LDB3: variants seen among roughly 807,000 people sequenced by gnomAD.
LDB3 encodes the protein LIM domain-binding protein 3.
LDB3 carries 49 observed loss-of-function variants against 69.0 expected under a neutral mutation model. That is an observed-to-expected ratio of 0.71 (90% CI 0.56 to 0.90). LDB3 has a LOEUF of 0.90. Among genes scored for constraint, LDB3 ranks in the 40% least tolerant of loss-of-function variants. The pLI is 0.00. For missense variants in LDB3, 928 were observed against 974.1 expected, an observed-to-expected ratio of 0.95 and a Z score of 0.63; for synonymous variants, 387 against 396.2, an observed-to-expected ratio of 0.98 and a Z score of 0.28.
intron 7 of LDB3, among the ~76,000 whole-genome samples, chr10:86,701,200 A>C (rs911982069): frequency 6.6e-6 from 1 of 152,210 alleles, no homozygotes; most frequent in Non-Finnish European, 1.5e-5. Context: ...GCCTCCTGGA[A>C]CACACTCATA....
Position 86,681,420 on chromosome 10 carries a change from G to T in LDB3, c.322-16G>T. On this transcript the variant is annotated splice_polypyrimidine_tract_variant and intron_variant, in intron 4 of 13. Coordinates refer to ENST00000361373, the MANE Select transcript of LDB3 (RefSeq NM_007078.3). ...CGCTCTCTTCTCTCTCCCCTGCATGGCCTGCCCTGTGCCAGGACCCCGCTC... is the reference window on the plus strand; with the variant it reads ...CGCTCTCTTCTCTCTCCCCTGCATGTCCTGCCCTGTGCCAGGACCCCGCTC... 1.3e-6 allele frequency: 2 copies of T among 1,599,918 alleles called. No homozygotes were observed. Among genetic ancestry groups the T allele is most frequent in the Non-Finnish European group, 1.7e-6 (2 of 1,179,790 alleles).
chr10:86,682,619 C>A (rs1482562966), intron 5 of LDB3, among the ~76,000 whole-genome samples: 1 of 152,212 alleles, frequency 6.6e-6, no homozygotes, highest in Non-Finnish European at 1.5e-5. Flanking sequence ...ATTGGCATAG[C>A]CCTCTCCAGG....
chr10:86,727,210 G>A (rs1401405962), intron 13 of LDB3, among the ~76,000 whole-genome samples: 1 of 151,606 alleles, frequency 6.6e-6, no homozygotes, highest in Non-Finnish European at 1.5e-5. Context: ...TTAGTAGAGA[G>A]GGGATTTCAC....
chr10:86,707,136 G>A (rs1846476051), intron 8 of LDB3, among the ~76,000 whole-genome samples: 1 of 152,102 alleles, frequency 6.6e-6, no homozygotes, highest in South Asian at 2.1e-4. Context: ...TGTCCCTGTG[G>A]GCTGGAGAAA....
At chr10:86,696,223 G>A (rs1845990843) in intron 7 of LDB3, among the ~76,000 whole-genome samples, 1 of 151,642 alleles carries the variant, frequency 6.6e-6, no homozygotes, top group Admixed American at 6.6e-5. Flanking sequence ...CCCCCCTGCA[G>A]CCACCTCGCT....
intron 5 of LDB3, chr10:86,687,032 C>T (rs998183788): frequency 1.2e-6 from 2 of 1,603,518 alleles, no homozygotes; most frequent in African/African-American, 1.3e-5. Flanking sequence ...CTTTTCTCCT[C>T]CCTCTCCCTG....
intron 2 of LDB3, among the ~76,000 whole-genome samples, chr10:86,670,944 C>T (rs139398502): frequency 7.2e-5 from 11 of 152,310 alleles, no homozygotes; most frequent in African/African-American, 2.4e-4. Flanking sequence ...TGGACACAGC[C>T]CTGCCATCCC....
At chr10:86,692,626 G>T in intron 7 of LDB3, 55 bp downstream of exon 7, 1 of 1,534,362 alleles carries the variant, frequency 6.5e-7, no homozygotes, top group Non-Finnish European at 9.0e-7. Flanking sequence ...GTCCCTCCCC[G>T]GGCAGCCCCC....
intron 13 of LDB3, among the ~76,000 whole-genome samples, chr10:86,730,733 C>T (rs1304694315): frequency 6.6e-6 from 1 of 152,184 alleles, no homozygotes; most frequent in East Asian, 1.9e-4. Context: ...ATTAAATGAG[C>T]TGCTGTATAT....
At chr10:86,696,211 G>C (rs560986044) in intron 7 of LDB3, among the ~76,000 whole-genome samples, 2 of 150,838 alleles carry the variant, frequency 1.3e-5, no homozygotes, top group South Asian at 2.1e-4. Context: ...TCTCAGTTTT[G>C]CCCCCCCTGC....
intron 4 of LDB3, among the ~76,000 whole-genome samples, chr10:86,680,891 G>A (rs1194082773): frequency 2.0e-5 from 3 of 152,226 alleles, no homozygotes; most frequent in African/African-American, 7.2e-5. Flanking sequence ...GACAGGGGTG[G>A]GGTAGGTCAC....
In LDB3 at chr10:86,699,469, A is replaced by G; in HGVS notation, c.896+6898A>G. 1 of 1,593,162 alleles carries G rather than the reference A, an allele frequency of 6.3e-7. No individual in the cohort carries two copies. The highest frequency in any genetic ancestry group is 1.1e-5 in the South Asian group (1 of 89,476). ...CATGTGAGCCCCACGGTGATGCTTG[A>G]CAATGTATAACTCTGCTGGGGGCAC... is the stretch of plus-strand genomic sequence containing the variant. On this transcript the variant is annotated intron_variant, in intron 7 of 13. Transcript: ENST00000361373. The surrounding 1 kb of genome is among the most constrained non-coding windows in gnomAD (Gnocchi z 4.9).
At chr10:86,700,112 T>A (rs1339079625) in intron 7 of LDB3, 1 of 961,442 alleles carries the variant, frequency 1.0e-6, no homozygotes, top group African/African-American at 1.8e-5. Context: ...GAGGGCATGA[T>A]CTGGGACAGA....
In LDB3 at chr10:86,712,023, G is replaced by A. The variant is rs568483966; in HGVS notation, c.1231+1973G>A. On this transcript the variant is annotated intron_variant, in intron 9 of 13. Transcript: ENST00000361373. ...CAAAAATAGCAACAGCCCCGGGGCT[G>A]CGAGATGGGATATCAGGTCTCTCCT... Among the ~76,000 whole-genome samples, 55 of 152,306 alleles carry A rather than the reference G, an allele frequency of 3.6e-4. 1 individual carries two copies. In the South Asian group the frequency reaches 0.011, roughly 32 times the overall value.
rs780883588 is a variant in LDB3, at chr10:86,699,321, T to G, written c.896+6750T>G. 1 of 1,613,762 alleles carries G rather than the reference T, an allele frequency of 6.2e-7. No homozygotes were observed. Among genetic ancestry groups the G allele is most frequent in the Non-Finnish European group, 8.5e-7 (1 of 1,179,934 alleles). On this transcript the variant is annotated intron_variant, in intron 7 of 13. Coordinates refer to ENST00000361373, the MANE Select transcript of LDB3 (RefSeq NM_007078.3). This position sits in a 1 kb window ranked among gnomAD's most constrained non-coding sequence, Gnocchi z 4.9. ...ACGTAACAGCCCACGTTTTGCCAAATTGCGCAACTGGCACCATGGCCTTTC... is the reference window on the plus strand; with the variant it reads ...ACGTAACAGCCCACGTTTTGCCAAAGTGCGCAACTGGCACCATGGCCTTTC...
At chr10:86,681,402 T>C (rs376997112) in intron 4 of LDB3, 34 bp from the exon 5 acceptor site, 9 of 1,598,498 alleles carry the variant, frequency 5.6e-6, no homozygotes, top group Non-Finnish European at 7.6e-6. Context: ...AACCGCTCTC[T>C]TCTCTCTCCC....
At chr10:86,715,270 C>G (rs1846823736) in intron 9 of LDB3, among the ~76,000 whole-genome samples, 1 of 152,032 alleles carries the variant, frequency 6.6e-6, no homozygotes, top group Non-Finnish European at 1.5e-5. Flanking sequence ...GACATGCTTC[C>G]TAGGGTTGGG....
chr10:86,717,049 T>C (rs1197648504), intron 10 of LDB3, among the ~76,000 whole-genome samples: 1 of 152,204 alleles, frequency 6.6e-6, no homozygotes, highest in Non-Finnish European at 1.5e-5. Flanking sequence ...CCCCTTGGGC[T>C]AAGGTTGAGG....
At chr10:86,702,409 G>A (rs971414685) in intron 7 of LDB3, among the ~76,000 whole-genome samples, 1 of 152,010 alleles carries the variant, frequency 6.6e-6, no homozygotes, top group African/African-American at 2.4e-5. Context: ...CACCACCAAG[G>A]GCCACCATGG....
Sources: allele counts gnomAD v4.1 joint callset (sites outside exome capture counted in the v4.1 genomes callset), GRCh38; gene constraint gnomAD v4.1.1; non-coding constraint Gnocchi (gnomAD v3.1); transcripts MANE v1.5; gene names NCBI Gene and HGNC (gene_info 2026-07-23, HGNC 2026-07-21).